The following SYT10 variants were observed in gnomAD, a reference collection of about 807,000 sequenced individuals.
SYT10 encodes the protein synaptotagmin-10.
In SYT10, 31 loss-of-function variants were observed where a neutral mutation model predicts 51.1. The observed-to-expected ratio is 0.61, with a 90% CI of 0.46 to 0.82. The LOEUF is 0.82. SYT10 is among the 40% of genes least tolerant of loss of function. SYT10 has a pLI of 0.00. For missense variants in SYT10, 603 were observed against 634.0 expected (o/e 0.95, Z 0.53); for synonymous variants, 233 against 225.9 (o/e 1.03, Z -0.28).
In SYT10 at chr12:33,426,451, G is replaced by A. The variant is rs372457703; in HGVS notation, c.196C>T (p.Leu66=). The change falls in exon 2 of 7, where the codon CTG becomes TTG. Residue 66 remains leucine, a synonymous_variant. Coordinates refer to ENST00000228567, the MANE Select transcript of SYT10 (RefSeq NM_198992.4). The stretch of plus-strand genomic sequence containing the variant: ...AAAAGTGAGACAACCAACAAGGCCA[G>A]TCCACAAAAGCTGACAACGACAGCT... ...LLAVVVSFCG[L]ALLVVSLFVF... 2 of 1,607,878 alleles carry A rather than the reference G, an allele frequency of 1.2e-6. No individual in the cohort carries two copies. The highest frequency in any genetic ancestry group is 2.7e-5 in the African/African-American group (2 of 74,442).
chr12:33,426,016 C>T (rs551175346), intron 2 of SYT10, 122 bp downstream of exon 2: 6 of 973,854 alleles, frequency 6.2e-6, no homozygotes, highest in South Asian at 5.3e-5. Context: ...CCCATTTCTC[C>T]TGTTTCTCTT....
chr12:33,377,722 G>A (rs1345383376), intron 6 of SYT10, among the ~76,000 whole-genome samples: 1 of 148,964 alleles, frequency 6.7e-6, no homozygotes, highest in African/African-American at 2.5e-5. Flanking sequence ...CCGCCTCCTG[G>A]GTTTAAGCAA....
intron 2 of SYT10, among the ~76,000 whole-genome samples, chr12:33,422,599 C>T (rs1375395026): frequency 6.6e-6 from 1 of 151,970 alleles, no homozygotes; most frequent in Admixed American, 6.6e-5. Context: ...CTTCACTTTA[C>T]TCTATTTTTT....
At chr12:33,391,261 TA>T in intron 3 of SYT10, among the ~76,000 whole-genome samples, 1 of 152,230 alleles carries the variant, frequency 6.6e-6, no homozygotes, top group South Asian at 2.1e-4. Flanking sequence ...TATTTTTTTT[TA>T]TCTTGTTTTG....
At chr12:33,397,181 T>G (rs1866263780) in intron 3 of SYT10, among the ~76,000 whole-genome samples, 1 of 152,178 alleles carries the variant, frequency 6.6e-6, no homozygotes, top group Non-Finnish European at 1.5e-5. Flanking sequence ...ATTTTCTTTC[T>G]TTAGAGTATC....
chr12:33,385,937 T>C (rs1398940682), intron 3 of SYT10, among the ~76,000 whole-genome samples: 1 of 152,212 alleles, frequency 6.6e-6, no homozygotes, highest in Non-Finnish European at 1.5e-5. Context: ...TACCCTGGCA[T>C]GTAAGTGGAA....
At chr12:33,430,556 CTGCT>C (rs1866588731) in intron 1 of SYT10, among the ~76,000 whole-genome samples, 1 of 152,190 alleles carries the variant, frequency 6.6e-6, no homozygotes, top group Non-Finnish European at 1.5e-5. Flanking sequence ...GCAATTACTA[CTGCT>C]TGAATTGATA....
At chr12:33,428,227 G>C (rs549302794) in intron 1 of SYT10, among the ~76,000 whole-genome samples, 38 of 152,322 alleles carry the variant, frequency 2.5e-4, no homozygotes, top group Admixed American at 5.2e-4. Context: ...TAGAAATTTT[G>C]AGTAGGCTAT....
intron 1 of SYT10, among the ~76,000 whole-genome samples, chr12:33,434,429 TTAAG>T (rs1292700740): frequency 3.3e-5 from 5 of 152,224 alleles, no homozygotes; most frequent in Admixed American, 6.5e-5. Flanking sequence ...TTGGAGGTTA[TTAAG>T]TAAGACTCAT....
chr12:33,380,577 A>G lies in SYT10; in HGVS notation c.1371-616T>C, dbSNP rs76222709. 9.0e-3 allele frequency among the ~76,000 whole-genome samples: 1,377 copies of G among 152,344 alleles called. 78 individuals carry two copies. In the East Asian group the frequency reaches 0.14, roughly 15 times the overall value. ...ATAGCAATGAATCAAGATGATAATAATAACAGTTAATATTTTTGAGAGCTT... is the reference window on the plus strand; with the variant it reads ...ATAGCAATGAATCAAGATGATAATAGTAACAGTTAATATTTTTGAGAGCTT... On this transcript the variant is annotated intron_variant, in intron 5 of 6. Transcript: ENST00000228567.
At position 33,374,300 on chromosome 12, in the gene SYT10, G is replaced by T. The variant is rs1273829037; in HGVS notation, c.*2530C>A. 6.6e-6 allele frequency: 1 copy of T among 151,600 alleles called. No individual in the cohort carries two copies. Among genetic ancestry groups the T allele is most frequent in the Non-Finnish European group, 1.5e-5 (1 of 67,852 alleles). The allele number at this position is 151,600 out of a possible 1,614,324, so 9.4% of individuals were successfully genotyped here. A position where few individuals can be genotyped will look rare whatever the true frequency, so the allele number is the denominator to read the frequency against. Reference sequence around the variant, plus strand: ...CCTGAAGAAGTCCCTGAAATTAGATGTTCATTATATACCTGAACTGCAGCT... The same window carrying T: ...CCTGAAGAAGTCCCTGAAATTAGATTTTCATTATATACCTGAACTGCAGCT... On this transcript the variant is annotated 3_prime_UTR_variant, in exon 7 of 7. Transcript: ENST00000228567.
intron 1 of SYT10, among the ~76,000 whole-genome samples, chr12:33,438,002 G>A (rs1354331354): frequency 1.3e-5 from 2 of 152,022 alleles, no homozygotes; most frequent in African/African-American, 2.4e-5. Flanking sequence ...TCTGCCAAGT[G>A]CAGACAGAGC....
At chr12:33,383,811 T>C (rs1866136123) in intron 4 of SYT10, among the ~76,000 whole-genome samples, 1 of 152,184 alleles carries the variant, frequency 6.6e-6, no homozygotes, top group Non-Finnish European at 1.5e-5. Context: ...TCTCAAAGCA[T>C]GCGCTCCTCC....
At chr12:33,412,333 T>C (rs1392679015) in intron 2 of SYT10, among the ~76,000 whole-genome samples, 1 of 152,042 alleles carries the variant, frequency 6.6e-6, no homozygotes, top group Non-Finnish European at 1.5e-5. Context: ...GTTTAGCTAG[T>C]CAGTTAAGAC....
chr12:33,389,708 G>C (rs1866187774), intron 3 of SYT10, among the ~76,000 whole-genome samples: 1 of 152,104 alleles, frequency 6.6e-6, no homozygotes, highest in Admixed American at 6.6e-5. Flanking sequence ...TTAGCACCTT[G>C]AATGCAGCCT....
intron 2 of SYT10, among the ~76,000 whole-genome samples, chr12:33,423,330 G>T (rs1215672166): frequency 6.6e-6 from 1 of 151,694 alleles, no homozygotes; most frequent in East Asian, 1.9e-4. Flanking sequence ...GTGCATCTGT[G>T]TGTGTTATGT....
chr12:33,421,751 A>G (rs1866506775), intron 2 of SYT10, among the ~76,000 whole-genome samples: 1 of 152,134 alleles, frequency 6.6e-6, no homozygotes, highest in African/African-American at 2.4e-5. Flanking sequence ...AATAATTGCT[A>G]GATTGTAATT....
chr12:33,394,637 ATC>A (rs1487172810), intron 3 of SYT10, among the ~76,000 whole-genome samples: 2 of 152,200 alleles, frequency 1.3e-5, no homozygotes, highest in Non-Finnish European at 2.9e-5. Context: ...ATTATTACAA[ATC>A]TCTTTTTGTG....
Position 33,385,219 on chromosome 12 carries a change from C to T in SYT10, c.1150G>A (p.Val384Ile), listed in dbSNP as rs766803065. Residue 384 changes from valine (V) to isoleucine (I), a missense_variant, in exon 4 of 7, where the codon GTC becomes ATC. By Grantham distance (29) the Val-to-Ile change is conservative. Coordinates refer to ENST00000228567, the MANE Select transcript of SYT10 (RefSeq NM_198992.4). ...GCCTTCAGATTTCTGCACTTAATGA[C>T]TGTCAATGTCATACGCCCAGCCGTC... ...LPTAGRMTLT[V>I]IKCRNLKAMD... 1.2e-6 allele frequency: 2 copies of T among 1,613,676 alleles called. No homozygotes were observed. Among genetic ancestry groups the T allele is most frequent in the East Asian group, 4.5e-5 (2 of 44,852 alleles).
Sources: allele counts gnomAD v4.1 joint callset (sites outside exome capture counted in the v4.1 genomes callset), GRCh38; gene constraint gnomAD v4.1.1; transcripts MANE v1.5; gene names NCBI Gene and HGNC (gene_info 2026-07-23, HGNC 2026-07-21).